TBC1D2: variants seen among roughly 807,000 people sequenced by gnomAD.
The protein encoded by TBC1D2 is TBC1 domain family member 2.
Under a neutral mutation model 91.1 loss-of-function variants are expected in TBC1D2, and 58 were observed. The ratio of observed to expected loss-of-function variants is 0.64; its 90% confidence interval spans 0.52 to 0.79. The LOEUF (loss-of-function observed/expected upper bound fraction) is 0.79. Ranked by LOEUF, TBC1D2 falls within the 30% of genes least tolerant of loss-of-function variation. The pLI, the probability that TBC1D2 is intolerant of heterozygous loss-of-function variation, is 0.00. For synonymous variants in TBC1D2, 482 were observed against 511.5 expected, an observed-to-expected ratio of 0.94 and a Z score of 0.78; for missense variants, 1,080 against 1,208.3, an observed-to-expected ratio of 0.89 and a Z score of 1.57.
At chr9:98,208,408 A>T (rs958189805) in intron 9 of TBC1D2, among the ~76,000 whole-genome samples, 5 of 152,192 alleles carry the variant, frequency 3.3e-5, no homozygotes, top group Non-Finnish European at 7.4e-5. Flanking sequence ...ATCAGGCATT[A>T]GATTCTCATA....
At chr9:98,214,585 A>T (rs1486614785) in intron 6 of TBC1D2, among the ~76,000 whole-genome samples, 1 of 149,136 alleles carries the variant, frequency 6.7e-6, no homozygotes, top group East Asian at 2.0e-4. Flanking sequence ...TGTGCAAGCG[A>T]TGCTGCAGCA....
chr9:98,206,149 G>A (rs1026814172), intron 9 of TBC1D2, among the ~76,000 whole-genome samples: 6 of 151,940 alleles, frequency 3.9e-5, no homozygotes, highest in Non-Finnish European at 7.4e-5. Context: ...GTAGAGACAA[G>A]GTTTCACCAT....
At position 98,220,876 on chromosome 9, in the gene TBC1D2, T is replaced by C. The variant is rs1020116518; in HGVS notation, c.1331A>G (p.Asn444Ser). 1.6e-5 allele frequency: 26 copies of C among 1,614,132 alleles called. No homozygotes were observed. The highest frequency in any genetic ancestry group is 2.2e-5 in the East Asian group (1 of 44,872). Residue 444 changes from asparagine (N) to serine (S), a missense_variant, in exon 6 of 13, where the codon AAC becomes AGC. Physicochemically the swap from Asn to Ser is conservative, Grantham distance 46. Coordinates refer to ENST00000465784, the MANE Select transcript of TBC1D2 (RefSeq NM_001267571.2). ...DQSPLRPDAA[N>S]RDFLSQQGKI... ...CCCCTGCTGGCTCAGGAAGTCCCTG[T>C]TGGCAGCGTCGGGGCGCAAAGGAGA...
chr9:98,205,060 C>T (rs1298253459), intron 9 of TBC1D2, among the ~76,000 whole-genome samples: 7 of 152,192 alleles, frequency 4.6e-5, no homozygotes, highest in Non-Finnish European at 8.8e-5. Context: ...AAACAAACTC[C>T]TTATTGCAGT....
At chr9:98,207,508 C>G (rs1188899942) in intron 9 of TBC1D2, among the ~76,000 whole-genome samples, 1 of 152,184 alleles carries the variant, frequency 6.6e-6, no homozygotes, top group Non-Finnish European at 1.5e-5. Context: ...TAACCCCAGT[C>G]CCTCCCTGCG....
In TBC1D2 at chr9:98,221,063, C is replaced by T. The variant is rs1418888779; in HGVS notation, c.1144G>A (p.Glu382Lys). Residue 382 changes from glutamate to lysine, a missense_variant, in exon 6 of 13, where the codon GAG becomes AAG. Glu to Lys is a moderately conservative substitution (Grantham distance 56, BLOSUM62 1). Coordinates refer to ENST00000465784, the MANE Select transcript of TBC1D2 (RefSeq NM_001267571.2). ...LGRRVEALEQERESLAHTASL... is the reference protein window; with the variant it reads ...LGRRVEALEQKRESLAHTASL... The stretch of plus-strand genomic sequence containing the variant: ...GCTGTGTGCGCCAGGCTCTCCCGCT[C>T]CTGCTCCAGGGCCTCCACCCGCCGG... 6.2e-7 allele frequency: 1 copy of T among 1,610,724 alleles called. No homozygotes were observed. The highest frequency in any genetic ancestry group is 8.5e-7 in the Non-Finnish European group (1 of 1,178,830).
At chr9:98,247,107 C>T (rs1829779504) in intron 2 of TBC1D2, among the ~76,000 whole-genome samples, 1 of 151,776 alleles carries the variant, frequency 6.6e-6, no homozygotes, top group African/African-American at 2.4e-5. Flanking sequence ...GCAGGCAGAT[C>T]ACCTGAGGTC....
At position 98,237,344 on chromosome 9, in the gene TBC1D2, C is replaced by CA. The variant is rs113459757; in HGVS notation, c.648-3796dup. Among the ~76,000 whole-genome samples, 358 of 102,826 alleles carry CA rather than the reference C, an allele frequency of 3.5e-3. 2 individuals carry two copies. The highest frequency in any genetic ancestry group is 0.016 in the Middle Eastern group (3 of 186). The allele number at this position is 102,826 out of a possible 152,430, so 67.5% of individuals were successfully genotyped here. A position where few individuals can be genotyped will look rare whatever the true frequency, so the allele number is the denominator to read the frequency against. ...TCTGGGTGACAGAGCAAGACTGTCT[C>CA]AAAAAAAAAAAAAGAAAAAAAAGAA... On this transcript the variant is annotated intron_variant, in intron 3 of 12. Coordinates refer to ENST00000465784, the MANE Select transcript of TBC1D2 (RefSeq NM_001267571.2).
chr9:98,220,692 T>G, intron 6 of TBC1D2, 141 bp downstream of exon 6: 4 of 1,058,718 alleles, frequency 3.8e-6, no homozygotes, highest in Non-Finnish European at 4.1e-6. Flanking sequence ...CCCATCAACA[T>G]GTGTTTCTAA....
intron 2 of TBC1D2, among the ~76,000 whole-genome samples, chr9:98,244,667 A>G (rs2131284232): frequency 6.6e-6 from 1 of 150,522 alleles, no homozygotes; most frequent in East Asian, 2.0e-4. Flanking sequence ...CTCAAAAAAA[A>G]AAAAAAAAAA....
intron 6 of TBC1D2, among the ~76,000 whole-genome samples, chr9:98,215,228 C>T (rs1250977903): frequency 2.0e-5 from 3 of 152,320 alleles, no homozygotes; most frequent in Non-Finnish European, 2.9e-5. Context: ...CTCCCATGAG[C>T]ATCAGGCCTT....
At chr9:98,247,370 A>C (rs1829786846) in intron 2 of TBC1D2, among the ~76,000 whole-genome samples, 3 of 151,610 alleles carry the variant, frequency 2.0e-5, no homozygotes, top group Admixed American at 2.0e-4. Context: ...AACAAAAAAA[A>C]AAACAAGAAG....
chr9:98,223,724 C>T (rs146987873), intron 5 of TBC1D2, among the ~76,000 whole-genome samples: 2 of 152,272 alleles, frequency 1.3e-5, no homozygotes, highest in East Asian at 1.9e-4. Context: ...ACTGAGACAC[C>T]AGCCCAGGAG....
chr9:98,216,373 G>GC (rs1160943677), intron 6 of TBC1D2, among the ~76,000 whole-genome samples: 1 of 150,424 alleles, frequency 6.6e-6, no homozygotes, highest in Non-Finnish European at 1.5e-5. Flanking sequence ...AATACAACAA[G>GC]CCCCCCCGCA....
At chr9:98,246,730 G>T (rs1461625968) in intron 2 of TBC1D2, among the ~76,000 whole-genome samples, 1 of 152,104 alleles carries the variant, frequency 6.6e-6, no homozygotes, top group Non-Finnish European at 1.5e-5. Flanking sequence ...TAAGGACTGG[G>T]GTTGATTTGA....
intron 1 of TBC1D2, among the ~76,000 whole-genome samples, chr9:98,252,608 GGAGTGA>G (rs1393506464): frequency 6.6e-6 from 1 of 152,214 alleles, no homozygotes; most frequent in Non-Finnish European, 1.5e-5. Context: ...AGGCAAGGCA[GGAGTGA>G]GCACCCCTTT....
chr9:98,206,809 G>A (rs1828666889), intron 9 of TBC1D2, among the ~76,000 whole-genome samples: 1 of 152,210 alleles, frequency 6.6e-6, no homozygotes, highest in Admixed American at 6.5e-5. Flanking sequence ...AGGATTAGAT[G>A]CCATCAGGTG....
intron 10 of TBC1D2, 45 bp from the exon 11 acceptor site, chr9:98,201,709 G>T: frequency 6.4e-7 from 1 of 1,567,196 alleles, no homozygotes; most frequent in South Asian, 1.2e-5. Context: ...CCCAGCGTAG[G>T]GCTGCCTCCC....
intron 2 of TBC1D2, among the ~76,000 whole-genome samples, chr9:98,250,444 G>C (rs1438318907): frequency 6.6e-6 from 1 of 152,126 alleles, no homozygotes; most frequent in Non-Finnish European, 1.5e-5. Flanking sequence ...TGAGAGATGA[G>C]GTGTGACCTG....
Sources: allele counts gnomAD v4.1 joint callset (sites outside exome capture counted in the v4.1 genomes callset), GRCh38; gene constraint gnomAD v4.1.1; transcripts MANE v1.5; gene names NCBI Gene and HGNC (gene_info 2026-07-23, HGNC 2026-07-21).